The following IARS2 variants were observed in gnomAD, a reference collection of about 807,000 sequenced individuals.
IARS2 encodes the protein isoleucine--tRNA ligase, mitochondrial.
Under a neutral mutation model 126.3 loss-of-function variants are expected in IARS2, and 56 were observed. That is an observed-to-expected ratio of 0.44 (90% CI 0.36 to 0.55). IARS2 has a LOEUF of 0.55. Among genes scored for constraint, IARS2 ranks in the 20% least tolerant of loss-of-function variants. The probability of loss-of-function intolerance (pLI) is 0.00; values close to 1 mark genes in which losing one functional copy is unlikely to be tolerated. For missense variants in IARS2, 1,127 were observed against 1,245.9 expected (o/e 0.90, Z 1.44); for synonymous variants, 407 against 441.1 (o/e 0.92, Z 0.97).
chr1:220,134,297 T>TA, intron 14 of IARS2, 105 bp from the exon 15 acceptor site: 1 of 758,296 alleles, frequency 1.3e-6, no homozygotes, highest in Non-Finnish European at 2.0e-6. Flanking sequence ...ATTGTAAAGT[T>TA]ACTTCCCTTC....
chr1:220,122,794 G>A (rs909558183), intron 12 of IARS2, among the ~76,000 whole-genome samples: 10 of 151,806 alleles, frequency 6.6e-5, no homozygotes, highest in African/African-American at 1.2e-4. Context: ...CATTTCTACC[G>A]TATTTGCTAA....
chr1:220,137,840 G>T lies in IARS2; in HGVS notation c.2050-78G>T, dbSNP rs143710515. 3,199 of 1,509,548 alleles carry T rather than the reference G, an allele frequency of 2.1e-3. 29 individuals carry two copies. In the East Asian group the frequency reaches 0.025, roughly 12 times the overall value. The allele number at this position is 1,509,548 out of a possible 1,614,324, so 93.5% of individuals were successfully genotyped here. On this transcript the variant is annotated intron_variant, in intron 16 of 22. Transcript: ENST00000366922. ...ATTGTGCTCAAAAATATCTGAATAG[G>T]AGCTTTACCTAAAACATTTGTTCGG...
chr1:220,144,036 T>G (rs1409706105), intron 21 of IARS2: 44 of 1,503,680 alleles, frequency 2.9e-5, no homozygotes, highest in Non-Finnish European at 3.7e-5. Flanking sequence ...CAGCTGAGGT[T>G]GTCAGTACAA....
In IARS2 at chr1:220,094,159, C is replaced by T. The variant is rs1656383942; in HGVS notation, c.-58C>T. The T allele has an allele frequency of 6.7e-6, 9 of 1,337,866 alleles. No homozygotes were observed. The South Asian group carries it at 9.8e-5, about 15-fold the overall frequency. 82.9% of individuals were successfully genotyped at this position (1,337,866 alleles called of 1,614,324 possible). On this transcript the variant is annotated 5_prime_UTR_variant, in exon 1 of 23. Transcript: ENST00000366922. ...TCGGCTCCCCTTGGTTTCCTGGGGT[C>T]CTGCCCCTTCAAGCTGGGGCGGGAG... is the stretch of plus-strand genomic sequence containing the variant.
intron 3 of IARS2, 105 bp downstream of exon 3, chr1:220,100,754 T>C: frequency 1.2e-6 from 1 of 816,600 alleles, no homozygotes; most frequent in Admixed American, 3.3e-5. Context: ...TTTCGTTTGC[T>C]TATAATAAGA....
chr1:220,124,307 G>A (rs768638266), intron 12 of IARS2, among the ~76,000 whole-genome samples: 54 of 151,984 alleles, frequency 3.6e-4, no homozygotes, highest in Non-Finnish European at 6.2e-4. Context: ...CTAAAGATAC[G>A]ACCAGTTCTG....
chr1:220,146,517 CAAAAAAAA>C (rs1186000971), intron 22 of IARS2, among the ~76,000 whole-genome samples: 2 of 62,070 alleles, frequency 3.2e-5, no homozygotes, highest in Admixed American at 2.3e-4. Context: ...GACTCCGTCT[CAAAAAAAA>C]AAAAAAAAAA....
At chr1:220,126,119 A>G (rs376944343) in intron 13 of IARS2, among the ~76,000 whole-genome samples, 5 of 151,266 alleles carry the variant, frequency 3.3e-5, no homozygotes, top group African/African-American at 1.2e-4. Context: ...AAAAAAAAAA[A>G]AAAAGAAAAA....
intron 12 of IARS2, among the ~76,000 whole-genome samples, chr1:220,119,610 G>A (rs1227783063): frequency 6.6e-6 from 1 of 151,832 alleles, no homozygotes; most frequent in East Asian, 1.9e-4. Context: ...GTATTATCTT[G>A]GTTTCATTAT....
rs557579600 is a variant in IARS2 at position 220,114,097 on chromosome 1, C to T, written c.1480-217C>T. 2.4e-4 allele frequency among the ~76,000 whole-genome samples: 36 copies of T among 152,104 alleles called. No homozygotes were observed. The South Asian group carries it at 6.2e-3, about 26-fold the overall frequency. ...ATGCTCCTGATATTATCACTGCTCC[C>T]GATATTATTTATTAAGTTCTTCGCG... On this transcript the variant is annotated intron_variant, in intron 11 of 22. Transcript: ENST00000366922.
At chr1:220,110,958 T>C (rs776510059) in intron 11 of IARS2, 21 bp downstream of exon 11, 3 of 1,609,766 alleles carry the variant, frequency 1.9e-6, no homozygotes, top group Non-Finnish European at 2.5e-6. Flanking sequence ...CATCCTGTTT[T>C]AACAGGTCGG....
intron 22 of IARS2, among the ~76,000 whole-genome samples, chr1:220,146,182 A>G (rs1312489100): frequency 6.6e-6 from 1 of 152,220 alleles, no homozygotes; most frequent in East Asian, 1.9e-4. Context: ...TTTAAAAGTC[A>G]GTCTGGTTCA....
At chr1:220,096,717 C>G (rs1054532191) in intron 2 of IARS2, among the ~76,000 whole-genome samples, 6 of 152,100 alleles carry the variant, frequency 3.9e-5, no homozygotes, top group Non-Finnish European at 8.8e-5. Context: ...TCTGTAGTTT[C>G]AAAACCAGGA....
chr1:220,097,975 C>G (rs1316461454), intron 2 of IARS2, among the ~76,000 whole-genome samples: 2 of 151,754 alleles, frequency 1.3e-5, no homozygotes, highest in African/African-American at 4.8e-5. Flanking sequence ...CCCGGGTTCA[C>G]GCCATTCTCC....
At chr1:220,134,762 G>GT (rs1558129936) in intron 15 of IARS2, 5 of 231,008 alleles carry the variant, frequency 2.2e-5, no homozygotes, top group Non-Finnish European at 4.2e-5. Flanking sequence ...GTTCTTTGTT[G>GT]TTGTTGTTTT....
At chr1:220,120,504 G>A (rs1177779913) in intron 12 of IARS2, among the ~76,000 whole-genome samples, 1 of 151,676 alleles carries the variant, frequency 6.6e-6, no homozygotes. Flanking sequence ...CACCCCCCAA[G>A]TAGCTGAGAC....
chr1:220,122,943 A>C (rs1196180592), intron 12 of IARS2, among the ~76,000 whole-genome samples: 3 of 151,954 alleles, frequency 2.0e-5, no homozygotes, highest in African/African-American at 4.8e-5. Flanking sequence ...TGTAAAAAAA[A>C]AAAGGCAAAA....
At chr1:220,135,464 G>T (rs547508977) in intron 15 of IARS2, among the ~76,000 whole-genome samples, 3 of 151,772 alleles carry the variant, frequency 2.0e-5, no homozygotes, top group African/African-American at 7.3e-5. Flanking sequence ...GGGTTCAAGC[G>T]ATTCTCCTGC....
chr1:220,130,398 ACTTGTG>A (rs1022378052), intron 14 of IARS2, among the ~76,000 whole-genome samples: 60 of 151,552 alleles, frequency 4.0e-4, no homozygotes, highest in African/African-American at 1.4e-3. Flanking sequence ...TCGCTCCTTT[ACTTGTG>A]CTTTTGAAGT....
Sources: gnomAD v4.1 joint callset for allele counts (sites outside exome capture counted in the v4.1 genomes callset) on GRCh38, gnomAD v4.1.1 for gene constraint, MANE v1.5 for transcripts, NCBI Gene and HGNC (gene_info 2026-07-23, HGNC 2026-07-21) for gene names.